The following LIG1 variants were observed in gnomAD, a reference collection of about 807,000 sequenced individuals.
The protein encoded by LIG1 is ligase I, DNA, ATP-dependent.
LIG1 carries 70 observed loss-of-function variants against 115.7 expected under a neutral mutation model. That is an observed-to-expected ratio of 0.60 (90% CI 0.50 to 0.74). The LOEUF is 0.74. LIG1 is among the 30% of genes least tolerant of loss of function. The pLI, the probability that LIG1 is intolerant of heterozygous loss-of-function variation, is 0.00. For missense variants in LIG1, 1,115 were observed against 1,225.6 expected (o/e 0.91, Z 1.35); for synonymous variants, 487 against 495.3 (o/e 0.98, Z 0.22).
intron 8 of LIG1, 44 bp downstream of exon 8, chr19:48,150,044 T>C: frequency 1.9e-6 from 3 of 1,613,766 alleles, no homozygotes; most frequent in Non-Finnish European, 2.5e-6. Context: ...ACCAGCCTCC[T>C]GCCTGTACAA....
intron 4 of LIG1, among the ~76,000 whole-genome samples, chr19:48,159,330 A>G (rs1231214220): frequency 6.6e-6 from 1 of 151,846 alleles, no homozygotes. Flanking sequence ...TTGGCCTCCC[A>G]AAGTGTTGGG....
chr19:48,154,780 G>A (rs977790396), intron 5 of LIG1, among the ~76,000 whole-genome samples: 11 of 152,174 alleles, frequency 7.2e-5, no homozygotes, highest in Admixed American at 3.9e-4. Context: ...GCTCCTTCAC[G>A]TGGCCCCAGA....
In LIG1 at chr19:48,153,969, T is replaced by C; in HGVS notation, c.371-2A>G. 6.2e-7 allele frequency: 1 copy of C among 1,613,536 alleles called. No homozygotes were observed. The highest frequency in any genetic ancestry group is 8.5e-7 in the Non-Finnish European group (1 of 1,179,592). On this transcript the variant is annotated splice_acceptor_variant, in intron 5 of 27. Transcript: ENST00000263274. LOFTEE classifies it high-confidence loss of function. ...TCCGTTTCGGGAGCTGCTTCCGAGC[T>C]GGGGAGGCAAAGGGCTTGGTGTATC...
chr19:48,119,059 A>G, intron 25 of LIG1, 78 bp downstream of exon 25: 1 of 1,191,224 alleles, frequency 8.4e-7, no homozygotes, highest in Non-Finnish European at 1.2e-6. Context: ...GGAAGCCAAG[A>G]GCCCTGCATG....
intron 6 of LIG1, among the ~76,000 whole-genome samples, chr19:48,152,815 T>G (rs2035560731): frequency 1.3e-5 from 2 of 152,208 alleles, no homozygotes; most frequent in South Asian, 4.1e-4. Flanking sequence ...GAACAGGAAA[T>G]GACGTTGGCA....
chr19:48,160,636 G>T (rs1310428384), intron 4 of LIG1, among the ~76,000 whole-genome samples: 2 of 152,170 alleles, frequency 1.3e-5, no homozygotes, highest in Non-Finnish European at 2.9e-5. Flanking sequence ...AGCATTAAAT[G>T]ACTTAAACAG....
chr19:48,117,973 G>C lies in LIG1; in HGVS notation c.2440-192C>G, dbSNP rs1434840418. 3 of 629,384 alleles carry C rather than the reference G, an allele frequency of 4.8e-6. No homozygotes were observed. In the African/African-American group the frequency reaches 5.5e-5, roughly 12 times the overall value. The allele number at this position is 629,384 out of a possible 1,614,324, so 39.0% of individuals were successfully genotyped here. ...GTAAACAGAAATAGAAAGAGAAACA[G>C]AAAGTGAAAGAAGGGAAAAGAAACA... is the stretch of plus-strand genomic sequence containing the variant. On this transcript the variant is annotated intron_variant, in intron 25 of 27. Coordinates refer to ENST00000263274, the MANE Select transcript of LIG1 (RefSeq NM_000234.3).
intron 26 of LIG1, 103 bp from the exon 27 acceptor site, chr19:48,116,068 G>A (rs957170835): frequency 2.5e-6 from 2 of 815,476 alleles, no homozygotes; most frequent in African/African-American, 1.7e-5. Flanking sequence ...ACATGACGGG[G>A]CCGAACGATG....
chr19:48,131,477 T>A (rs1008948258), intron 18 of LIG1, among the ~76,000 whole-genome samples: 1 of 152,146 alleles, frequency 6.6e-6, no homozygotes, highest in Non-Finnish European at 1.5e-5. Flanking sequence ...TCATTCTGAT[T>A]TTTTTTTGAG....
intron 21 of LIG1, chr19:48,126,918 GA>G: frequency 3.7e-6 from 1 of 273,616 alleles, no homozygotes; most frequent in Non-Finnish European, 7.3e-6. Context: ...CAAGTTTTGA[GA>G]AAGTGGTGAG....
intron 7 of LIG1, 49 bp from the exon 8 acceptor site, chr19:48,150,259 CTTT>C: frequency 6.2e-7 from 1 of 1,606,544 alleles, no homozygotes; most frequent in Non-Finnish European, 8.5e-7. Flanking sequence ...GACCCTGAGA[CTTT>C]TTTTTTCTTT....
At chr19:48,166,959 C>CA (rs59675364) in intron 1 of LIG1, among the ~76,000 whole-genome samples, 2,679 of 106,236 alleles carry the variant, frequency 0.025, 91 homozygotes, top group African/African-American at 0.077. Flanking sequence ...CACTCTGTCT[C>CA]AAAAAAAAAA....
chr19:48,163,823 T>C (rs2036324928), intron 2 of LIG1, among the ~76,000 whole-genome samples: 1 of 151,548 alleles, frequency 6.6e-6, no homozygotes, highest in Non-Finnish European at 1.5e-5. Flanking sequence ...CAGGCGCCTG[T>C]AGTCCCAGCT....
intron 2 of LIG1, among the ~76,000 whole-genome samples, chr19:48,163,709 C>T (rs1448508764): frequency 1.3e-5 from 2 of 151,920 alleles, no homozygotes; most frequent in Non-Finnish European, 2.9e-5. Context: ...TTTGGGAGGC[C>T]GAGGTGGGCG....
chr19:48,127,847 C>G (rs1359959272), intron 20 of LIG1, 63 bp downstream of exon 20: 1 of 1,374,688 alleles, frequency 7.3e-7, no homozygotes, highest in African/African-American at 1.4e-5. Flanking sequence ...GACCCACAGC[C>G]AGGACTGGGT....
intron 17 of LIG1, among the ~76,000 whole-genome samples, chr19:48,133,656 C>G (rs542272579): frequency 5.9e-5 from 9 of 152,130 alleles, no homozygotes; most frequent in African/African-American, 2.2e-4. Context: ...AGTGCAGTAG[C>G]GCGATGACGG....
chr19:48,131,327 A>G (rs141165035), intron 18 of LIG1, among the ~76,000 whole-genome samples, 156 bp from the exon 19 acceptor site: 1 of 152,300 alleles, frequency 6.6e-6, no homozygotes, highest in Non-Finnish European at 1.5e-5. Context: ...CAGTTCCAAC[A>G]GCACCTCCCA....
At chr19:48,141,866 C>G (rs867814419) in intron 11 of LIG1, among the ~76,000 whole-genome samples, 1 of 152,196 alleles carries the variant, frequency 6.6e-6, no homozygotes, top group Non-Finnish European at 1.5e-5. Context: ...GTGGATGGAA[C>G]AGCCCCCCCA....
In LIG1 at chr19:48,163,924, G is replaced by A. The variant is rs187911221; in HGVS notation, c.18-1573C>T. ...CGCGCCACTGCACTCCAGCCTGGGC[G>A]ACAGAGCAAGACTCTGTCTCAAAAA... On this transcript the variant is annotated intron_variant, in intron 2 of 27. Transcript: ENST00000263274. Among the ~76,000 whole-genome samples, 1,137 of 138,186 alleles carry A rather than the reference G, an allele frequency of 8.2e-3. 11 individuals are homozygous for A. Among genetic ancestry groups the A allele is most frequent in the African/African-American group, 0.029 (1,062 of 36,500 alleles). 90.7% of individuals were successfully genotyped at this position (138,186 alleles called of 152,430 possible).
Sources: allele counts gnomAD v4.1 joint callset (sites outside exome capture counted in the v4.1 genomes callset), GRCh38; gene constraint gnomAD v4.1.1; transcripts MANE v1.5; gene names NCBI Gene and HGNC (gene_info 2026-07-23, HGNC 2026-07-21).